ADAM23: variants seen among roughly 807,000 people sequenced by gnomAD.
ADAM23 encodes the protein disintegrin and metalloproteinase domain-containing protein 23.
ADAM23 carries 33 observed loss-of-function variants against 120.1 expected under a neutral mutation model. That is an observed-to-expected ratio of 0.27 (90% CI 0.21 to 0.37). The LOEUF is 0.37. ADAM23 is among the 10% of genes least tolerant of loss of function. The pLI is 1.00. For missense variants in ADAM23, 862 were observed against 1,058.2 expected (o/e 0.81, Z 2.57); for synonymous variants, 367 against 375.2 (o/e 0.98, Z 0.25).
At chr2:206,592,069 A>G (rs192446110) in intron 21 of ADAM23, among the ~76,000 whole-genome samples, 3 of 152,342 alleles carry the variant, frequency 2.0e-5, no homozygotes, top group Non-Finnish European at 4.4e-5. Context: ...CCAAAGACCC[A>G]GATAATTTCT....
At chr2:206,574,943 A>G (rs1016624445) in intron 18 of ADAM23, among the ~76,000 whole-genome samples, 1 of 152,204 alleles carries the variant, frequency 6.6e-6, no homozygotes, top group Non-Finnish European at 1.5e-5. Context: ...ACTGCTGTAA[A>G]TGCTGGGACA....
intron 2 of ADAM23, among the ~76,000 whole-genome samples, chr2:206,452,549 G>A (rs1553545044): frequency 6.6e-6 from 1 of 152,188 alleles, no homozygotes; most frequent in Non-Finnish European, 1.5e-5. Flanking sequence ...GCTCACACCT[G>A]TCATCCAGGC....
At chr2:206,446,087 C>T (rs1412000774) in intron 2 of ADAM23, among the ~76,000 whole-genome samples, 1 of 152,118 alleles carries the variant, frequency 6.6e-6, no homozygotes, top group Admixed American at 6.5e-5. Context: ...ATTATGGTGA[C>T]TAGACACAAA....
intron 2 of ADAM23, among the ~76,000 whole-genome samples, chr2:206,466,227 G>A (rs561677892): frequency 6.6e-6 from 1 of 152,284 alleles, no homozygotes; most frequent in Admixed American, 6.5e-5. Flanking sequence ...ATTCATGCAT[G>A]TGATCCATGT....
chr2:206,592,584 T>C (rs752171434), intron 21 of ADAM23, 33 bp from the exon 22 acceptor site: 1 of 1,605,920 alleles, frequency 6.2e-7, no homozygotes, highest in South Asian at 1.1e-5. Flanking sequence ...ATTCCTCCTG[T>C]CTGGTCTGTT....
intron 2 of ADAM23, among the ~76,000 whole-genome samples, chr2:206,456,307 A>G (rs963532118): frequency 6.6e-6 from 1 of 151,740 alleles, no homozygotes; most frequent in African/African-American, 2.4e-5. Flanking sequence ...GAACTCACTC[A>G]CTCTCATGAG....
intron 6 of ADAM23, among the ~76,000 whole-genome samples, chr2:206,546,830 G>T (rs1409900257): frequency 1.3e-5 from 2 of 152,022 alleles, no homozygotes; most frequent in Non-Finnish European, 2.9e-5. Context: ...TACATACTAT[G>T]CACTCAGTAA....
intron 2 of ADAM23, among the ~76,000 whole-genome samples, chr2:206,479,385 G>A (rs1695848702): frequency 6.6e-6 from 1 of 152,080 alleles, no homozygotes; most frequent in African/African-American, 2.4e-5. Flanking sequence ...ATATTTATCA[G>A]CTCTTTTAGA....
chr2:206,575,845 G>A (rs1698101714), intron 18 of ADAM23, among the ~76,000 whole-genome samples: 2 of 152,140 alleles, frequency 1.3e-5, no homozygotes, highest in Admixed American at 1.3e-4. Context: ...TTCTTCCCAA[G>A]CTTATCATTG....
chr2:206,606,477 A>G (rs1698730822), intron 24 of ADAM23: 1 of 152,252 alleles, frequency 6.6e-6, no homozygotes, highest in Non-Finnish European at 1.5e-5. Flanking sequence ...GTCTACATAA[A>G]TATTTGGAAG....
intron 20 of ADAM23, among the ~76,000 whole-genome samples, chr2:206,589,047 T>G (rs1040341055): frequency 2.3e-4 from 35 of 152,268 alleles, no homozygotes; most frequent in African/African-American, 7.2e-4. Flanking sequence ...TTCCTGTGTG[T>G]CAGTCACTTC....
intron 18 of ADAM23, among the ~76,000 whole-genome samples, chr2:206,573,967 T>C (rs775590683): frequency 6.6e-6 from 1 of 152,154 alleles, no homozygotes; most frequent in Non-Finnish European, 1.5e-5. Flanking sequence ...AAGTCTCTCT[T>C]TGATTTTATT....
At position 206,571,829 on chromosome 2, in the gene ADAM23, A is replaced by G. The variant is rs553449406; in HGVS notation, c.1656+13A>G. 1 of 1,609,114 alleles carries G rather than the reference A, an allele frequency of 6.2e-7. No homozygotes were observed. Among genetic ancestry groups the G allele is most frequent in the South Asian group, 1.1e-5 (1 of 90,970 alleles). On this transcript the variant is annotated intron_variant, in intron 17 of 25. Coordinates refer to ENST00000264377, the MANE Select transcript of ADAM23 (RefSeq NM_003812.4). ...TACCTCATGTCTTGTGAGTTTTCTG[A>G]CAGTTTCATCTTTCTTTTAATTGAC... is the stretch of plus-strand genomic sequence containing the variant.
chr2:206,444,037 C>T lies in ADAM23; in HGVS notation c.171C>T (p.Ala57=), dbSNP rs1695021470. 1 of 1,409,884 alleles carries T rather than the reference C, an allele frequency of 7.1e-7. No homozygotes were observed. The allele number at this position is 1,409,884 out of a possible 1,614,324, so 87.3% of individuals were successfully genotyped here. ...TCCTTCTCCTGCTGCCTCCGCTCGC[C>T]GCCTCGTCCCGGCCCCGCGCCTGGG... ...LLVLLLLPPL[A]ASSRPRAWGA... Residue 57 remains alanine (A), a synonymous_variant, in exon 1 of 26, where the codon GCC becomes GCT. Coordinates refer to ENST00000264377, the MANE Select transcript of ADAM23 (RefSeq NM_003812.4).
chr2:206,496,541 A>T (rs1223657813), intron 3 of ADAM23, among the ~76,000 whole-genome samples: 1 of 152,216 alleles, frequency 6.6e-6, no homozygotes, highest in Non-Finnish European at 1.5e-5. Context: ...TGCCCACAAG[A>T]GAAAGCAGGA....
chr2:206,533,337 G>T (rs1046784405), intron 4 of ADAM23, among the ~76,000 whole-genome samples: 5 of 152,076 alleles, frequency 3.3e-5, no homozygotes, highest in African/African-American at 1.2e-4. Flanking sequence ...AAGTCGCTGG[G>T]ATTACAGGCA....
intron 2 of ADAM23, among the ~76,000 whole-genome samples, chr2:206,478,518 T>A (rs1360667622): frequency 6.6e-6 from 1 of 151,902 alleles, no homozygotes. Context: ...ATGATGATGA[T>A]GATGATGATG....
intron 2 of ADAM23, among the ~76,000 whole-genome samples, chr2:206,475,868 T>C (rs1319407386): frequency 6.6e-6 from 1 of 152,038 alleles, no homozygotes; most frequent in African/African-American, 2.4e-5. Context: ...ATTGAAAAAC[T>C]GTAAAGGTAA....
intron 3 of ADAM23, among the ~76,000 whole-genome samples, chr2:206,503,488 T>C (rs1268860089): frequency 6.6e-6 from 1 of 152,094 alleles, no homozygotes; most frequent in African/African-American, 2.4e-5. Context: ...TGTGGTATGG[T>C]AGATGTTTTA....
Sources: allele counts gnomAD v4.1 joint callset (sites outside exome capture counted in the v4.1 genomes callset), GRCh38; gene constraint gnomAD v4.1.1; transcripts MANE v1.5; gene names NCBI Gene and HGNC (gene_info 2026-07-23, HGNC 2026-07-21).